The following RGL1 variants were observed in gnomAD, a reference collection of about 807,000 sequenced individuals.
RGL1 encodes ral guanine nucleotide dissociation stimulator like 1.
RGL1 carries 24 observed loss-of-function variants against 95.2 expected under a neutral mutation model. The ratio of observed to expected loss-of-function variants is 0.25; its 90% confidence interval spans 0.18 to 0.35. The LOEUF (loss-of-function observed/expected upper bound fraction) is 0.35, where lower values mean the gene tolerates loss of function less well. Ranked by LOEUF, RGL1 falls within the 10% of genes least tolerant of loss-of-function variation. The probability of loss-of-function intolerance (pLI) is 1.00; values close to 1 mark genes in which losing one functional copy is unlikely to be tolerated. For missense variants in RGL1, 715 were observed against 936.3 expected (o/e 0.76, Z 3.08); for synonymous variants, 329 against 344.9 (o/e 0.95, Z 0.51).
rs535492173 is a variant in RGL1 at position 183,808,717 on chromosome 1, C to A, written c.138+2232C>A. Among the ~76,000 whole-genome samples the A allele has an allele frequency of 4.6e-5, 7 of 151,690 alleles. No individual in the cohort carries two copies. In the East Asian group the frequency reaches 1.4e-3, roughly 29 times the overall value. On this transcript the variant is annotated intron_variant, in intron 2 of 17. Transcript: ENST00000360851. ...TGAGGAAATTATTGCAATATGACAACAACCTTCTGAGGAAGGTGGTGTTGT... is the reference window on the plus strand; with the variant it reads ...TGAGGAAATTATTGCAATATGACAAAAACCTTCTGAGGAAGGTGGTGTTGT...
intron 1 of RGL1, among the ~76,000 whole-genome samples, chr1:183,682,322 C>T (rs1278718475): frequency 6.6e-6 from 1 of 152,144 alleles, no homozygotes; most frequent in Non-Finnish European, 1.5e-5. Flanking sequence ...ATTAATTTCC[C>T]TCTACACATT....
chr1:183,791,453 C>T (rs1660437672), intron 2 of RGL1, among the ~76,000 whole-genome samples: 1 of 152,046 alleles, frequency 6.6e-6, no homozygotes, highest in Non-Finnish European at 1.5e-5. Context: ...CTCAAAAGTT[C>T]TCCTTTAAAG....
In RGL1 at chr1:183,663,591, T is replaced by A. The variant is rs1171648464; in HGVS notation, c.-33+27090T>A. Among the ~76,000 whole-genome samples the A allele has an allele frequency of 2.6e-3, 393 of 151,878 alleles. 5 individuals are homozygous for A. Among genetic ancestry groups the A allele is most frequent in the Admixed American group, 0.016 (248 of 15,222 alleles). On this transcript the variant is annotated intron_variant, in intron 1 of 18. Transcript: ENST00000304685. ...GGTGCTGGAGAGGATGTGGAGAAAT[T>A]GGAACACTTTTACACTGTTGGTGGG...
chr1:183,848,754 A>C (rs529536508), intron 3 of RGL1, among the ~76,000 whole-genome samples: 1 of 152,224 alleles, frequency 6.6e-6, no homozygotes, highest in Non-Finnish European at 1.5e-5. Flanking sequence ...AACTAGGCAA[A>C]TAACACATAT....
intron 10 of RGL1, among the ~76,000 whole-genome samples, chr1:183,899,093 C>A (rs866834810): frequency 6.6e-6 from 1 of 152,168 alleles, no homozygotes; most frequent in South Asian, 2.1e-4. Context: ...AGTGCCTCCA[C>A]CTTCATTTCC....
At chr1:183,769,801 A>G (rs1475453686) in intron 2 of RGL1, among the ~76,000 whole-genome samples, 1 of 152,222 alleles carries the variant, frequency 6.6e-6, no homozygotes, top group Non-Finnish European at 1.5e-5. Context: ...AAACCTCCTC[A>G]TACTCCAAAG....
At chr1:183,919,008 C>G (rs2102751130) in intron 16 of RGL1, among the ~76,000 whole-genome samples, 1 of 152,244 alleles carries the variant, frequency 6.6e-6, no homozygotes, top group East Asian at 1.9e-4. Flanking sequence ...TTCTCAGGAC[C>G]CCTTTATACT....
chr1:183,684,283 G>T (rs571865746), intron 1 of RGL1, among the ~76,000 whole-genome samples: 1 of 152,166 alleles, frequency 6.6e-6, no homozygotes, highest in South Asian at 2.1e-4. Context: ...TTTTGTGCTG[G>T]TTTTTCCTCA....
In RGL1 at chr1:183,779,796, C is replaced by CT. The variant is rs879499823; in HGVS notation, c.133-26568dup. Among the ~76,000 whole-genome samples, 496 of 146,302 alleles carry CT rather than the reference C, an allele frequency of 3.4e-3. 4 individuals are homozygous for CT. The highest frequency in any genetic ancestry group is 0.011 in the African/African-American group (443 of 40,102). ...GGAAAGATAGTTTGTAAATTTGTAT[C>CT]TTTTTTTTTTTGAATGATAGGAAAG... is the stretch of plus-strand genomic sequence containing the variant. On this transcript the variant is annotated intron_variant, in intron 2 of 18. Coordinates refer to the RGL1 transcript ENST00000304685.
intron 9 of RGL1, among the ~76,000 whole-genome samples, chr1:183,897,412 G>A (rs1667761765): frequency 6.6e-6 from 1 of 152,138 alleles, no homozygotes; most frequent in African/African-American, 2.4e-5. Flanking sequence ...TTAGCCAGGT[G>A]GTGGCGCATT....
Position 183,897,793 on chromosome 1 carries a change from A to T in RGL1, c.1141-15A>T. 6.2e-7 allele frequency: 1 copy of T among 1,602,376 alleles called. No homozygotes were observed. Among genetic ancestry groups the T allele is most frequent in the Non-Finnish European group, 8.6e-7 (1 of 1,169,434 alleles). The stretch of plus-strand genomic sequence containing the variant: ...TCCTGTATCAATTCCCTCTGTGTGC[A>T]TTTCTGTTTCTCAGGAAGGAACCTC... On this transcript the variant is annotated splice_polypyrimidine_tract_variant and intron_variant, in intron 9 of 17. Coordinates refer to ENST00000360851, the MANE Select transcript of RGL1 (RefSeq NM_001297671.3).
chr1:183,806,304 C>A, intron 1 of RGL1, 71 bp from the exon 2 acceptor site: 2 of 1,177,150 alleles, frequency 1.7e-6, no homozygotes, highest in Non-Finnish European at 1.3e-6. Context: ...AGCAAGGCAG[C>A]TGGGATAGAT....
chr1:183,669,272 C>G (rs932236023), intron 1 of RGL1, among the ~76,000 whole-genome samples: 5 of 152,100 alleles, frequency 3.3e-5, no homozygotes, highest in African/African-American at 1.2e-4. Flanking sequence ...TTCATCATGT[C>G]CAGTCTACTA....
intron 2 of RGL1, among the ~76,000 whole-genome samples, chr1:183,792,794 A>G (rs972921538): frequency 1.3e-5 from 2 of 152,190 alleles, no homozygotes; most frequent in African/African-American, 4.8e-5. Context: ...GATGACAGAA[A>G]TTGAAGAGAA....
chr1:183,692,557 C>T (rs2102115990), intron 1 of RGL1, among the ~76,000 whole-genome samples: 1 of 152,344 alleles, frequency 6.6e-6, no homozygotes, highest in East Asian at 1.9e-4. Context: ...AATTAAAAGT[C>T]ATGGTTCAGG....
At position 183,883,915 on chromosome 1, in the gene RGL1, G is replaced by A; in HGVS notation, c.735+5G>A. On this transcript the variant is annotated splice_donor_5th_base_variant and intron_variant, in intron 6 of 17. Transcript: ENST00000360851. ...CAGCTGACCTACATGGATGCAGTAT[G>A]TCTTCTCTTTGTGATCAGATGTACT... 2.5e-6 allele frequency: 4 copies of A among 1,613,674 alleles called. No homozygotes were observed. The highest frequency in any genetic ancestry group is 2.5e-6 in the Non-Finnish European group (3 of 1,179,700).
intron 2 of RGL1, among the ~76,000 whole-genome samples, chr1:183,828,519 C>CGT (rs1663036348): frequency 6.6e-6 from 1 of 152,144 alleles, no homozygotes; most frequent in Middle Eastern, 3.2e-3. Context: ...CTGCTCCTTC[C>CGT]GTGAGGCTTT....
At position 183,666,067 on chromosome 1, in the gene RGL1, G is replaced by A. The variant is rs1425372970; in HGVS notation, c.-33+29566G>A. On this transcript the variant is annotated intron_variant, in intron 1 of 18. Transcript: ENST00000304685. ...TTTGCCCAGGCTGGAGTGCAATGGC[G>A]TGATCTCGGCTCACTGCAACCTCTG... is the stretch of plus-strand genomic sequence containing the variant. Among the ~76,000 whole-genome samples, 5 of 147,880 alleles carry A rather than the reference G, an allele frequency of 3.4e-5. No individual in the cohort carries two copies. The East Asian group carries it at 7.9e-4, about 23-fold the overall frequency.
intron 2 of RGL1, among the ~76,000 whole-genome samples, chr1:183,827,598 G>A (rs965821777): frequency 6.6e-6 from 1 of 152,196 alleles, no homozygotes; most frequent in African/African-American, 2.4e-5. Flanking sequence ...CTGTATTTTC[G>A]ATTAAGGTAT....
Sources: allele counts gnomAD v4.1 joint callset (sites outside exome capture counted in the v4.1 genomes callset), GRCh38; gene constraint gnomAD v4.1.1; transcripts MANE v1.5; gene names NCBI Gene and HGNC (gene_info 2026-07-23, HGNC 2026-07-21).